PDZK1: variants seen among roughly 807,000 people sequenced by gnomAD.
The protein encoded by PDZK1 is PDZ domain containing 1, also known as Na(+)/H(+) exchange regulatory cofactor NHE-RF3.
A neutral mutation model predicts 38.1 loss-of-function variants in PDZK1; 23 were observed. The ratio of observed to expected loss-of-function variants is 0.60; its 90% CI spans 0.43 to 0.85. PDZK1 has a LOEUF of 0.85. Among genes scored for constraint, PDZK1 ranks in the 40% least tolerant of loss-of-function variants. The pLI is 0.00. For synonymous variants in PDZK1, 98 were observed against 186.2 expected (o/e 0.53, Z 3.86); for missense variants, 297 against 504.3 (o/e 0.59, Z 3.94).
intron 1 of PDZK1, chr1:145,691,866 G>C (rs1011528539): frequency 6.6e-6 from 1 of 152,120 alleles, no homozygotes; most frequent in South Asian, 2.1e-4. Context: ...CTGAGCTCGG[G>C]GGGGAAAAAT....
At chr1:145,701,220 A>C (rs1655942443) in intron 1 of PDZK1, among the ~76,000 whole-genome samples, 1 of 150,850 alleles carries the variant, frequency 6.6e-6, no homozygotes, top group Non-Finnish European at 1.5e-5. Flanking sequence ...AAAAACAAAC[A>C]CTTAGCAGGA....
At position 145,697,763 on chromosome 1, in the gene PDZK1, A is replaced by ATTT. The variant is rs10564713; in HGVS notation, c.-3+9551_-3+9553dup. Among the ~76,000 whole-genome samples, 40 of 44,978 alleles carry ATTT rather than the reference A, an allele frequency of 8.9e-4. 5 individuals carry two copies. The highest frequency in any genetic ancestry group is 4.6e-3 in the East Asian group (7 of 1,518). The allele number at this position is 44,978 out of a possible 152,430, so 29.5% of individuals were successfully genotyped here. On this transcript the variant is annotated intron_variant, in intron 1 of 8. Coordinates refer to ENST00000417171, the MANE Select transcript of PDZK1 (RefSeq NM_001201325.2). ...AGGCACCCGCCACCATGCCCAGCTA[A>ATTT]TTTTTTTTTTTTTTTTTTTTTTTTT...
At chr1:145,689,476 C>T (rs899079359) in intron 1 of PDZK1, among the ~76,000 whole-genome samples, 8 of 152,140 alleles carry the variant, frequency 5.3e-5, no homozygotes, top group African/African-American at 7.2e-5. Flanking sequence ...AGTGTAAAAC[C>T]GACAGCTAGG....
At chr1:145,677,869 T>G (rs774240767) in intron 6 of PDZK1, among the ~76,000 whole-genome samples, 1 of 130,764 alleles carries the variant, frequency 7.6e-6, no homozygotes, top group Non-Finnish European at 1.5e-5. Flanking sequence ...GCCCCCCAGG[T>G]TATCTGTTAA....
rs782148230 is a variant in PDZK1, at chr1:145,682,556, T to A, written c.541A>T (p.Ile181Phe). 4 of 1,610,678 alleles carry A rather than the reference T, an allele frequency of 2.5e-6. No homozygotes were observed. The highest frequency in any genetic ancestry group is 8.5e-7 in the Non-Finnish European group (1 of 1,179,220). Residue 181 changes from isoleucine to phenylalanine, a missense_variant, in exon 4 of 9, where the codon ATT (isoleucine) becomes TTT (phenylalanine). Ile to Phe is a conservative substitution (Grantham distance 21, BLOSUM62 0). Transcript: ENST00000417171. ...TCTACATTCTCTCCATTCACTTCAA[T>A]CAAGTGATCATCAGCCAGAACTCCA... The part of the protein sequence containing the change: ...RAGVLADDHL[I>F]EVNGENVEDA...
At chr1:145,677,049 G>A (rs587751135) in intron 6 of PDZK1, among the ~76,000 whole-genome samples, 1 of 152,264 alleles carries the variant, frequency 6.6e-6, no homozygotes, top group Admixed American at 6.5e-5. Flanking sequence ...GAGAGAGGTG[G>A]TAACTATATT....
chr1:145,673,777 T>C lies in PDZK1; in HGVS notation c.1095A>G (p.Pro365=), dbSNP rs1407117060. The C allele has an allele frequency of 1.2e-6, 2 of 1,611,756 alleles. No homozygotes were observed. Among genetic ancestry groups the C allele is most frequent in the East Asian group, 4.5e-5 (2 of 44,872 alleles). ...GATCTACTTCCTCTGTAGTATCTGG[T>C]GGACTTGAGACTTCCAGAGAAGTGG... The part of the protein sequence containing the change: ...PTPTSLEVSS[P]PDTTEEVDHK... Residue 365 remains proline (P), a synonymous_variant, in exon 7 of 9, where the codon CCA becomes CCG. Transcript: ENST00000417171.
chr1:145,674,900 A>G (rs1237296388), intron 6 of PDZK1, among the ~76,000 whole-genome samples: 1 of 152,200 alleles, frequency 6.6e-6, no homozygotes, highest in African/African-American at 2.4e-5. Flanking sequence ...ATTCAAAGCT[A>G]CTAGAAGAGA....
chr1:145,690,331 G>A (rs1203730756), intron 1 of PDZK1, among the ~76,000 whole-genome samples: 1 of 151,894 alleles, frequency 6.6e-6, no homozygotes, highest in African/African-American at 2.4e-5. Flanking sequence ...ATTTCATAGG[G>A]CCAAAAGACC....
chr1:145,674,935 T>G (rs1156499382), intron 6 of PDZK1, among the ~76,000 whole-genome samples: 1 of 152,188 alleles, frequency 6.6e-6, no homozygotes, highest in Non-Finnish European at 1.5e-5. Context: ...CAGGAATAAT[T>G]GGTGAGAGGG....
chr1:145,700,635 G>C (rs1243312931), intron 1 of PDZK1, among the ~76,000 whole-genome samples: 1 of 152,078 alleles, frequency 6.6e-6, no homozygotes, highest in African/African-American at 2.4e-5. Context: ...AGACAGAAGG[G>C]GGCTGTCACC....
intron 1 of PDZK1, among the ~76,000 whole-genome samples, chr1:145,695,744 T>C (rs1424522612): frequency 6.6e-6 from 1 of 152,054 alleles, no homozygotes; most frequent in Non-Finnish European, 1.5e-5. Flanking sequence ...TAAGAGGCTG[T>C]TGTCAAAATC....
At chr1:145,671,598 T>G (rs1653050865) in intron 8 of PDZK1, 109 bp from the exon 9 acceptor site, 3 of 603,762 alleles carry the variant, frequency 5.0e-6, no homozygotes, top group Admixed American at 3.0e-5. Context: ...TCACTAGAAT[T>G]TCTTTCTTTC....
At chr1:145,688,124 C>T (rs1317885145) in intron 1 of PDZK1, 101 bp from the exon 2 acceptor site, 2 of 981,226 alleles carry the variant, frequency 2.0e-6, no homozygotes, top group Non-Finnish European at 3.2e-6. Flanking sequence ...TTCCAATCAC[C>T]AAATCTAGAC....
intron 1 of PDZK1, among the ~76,000 whole-genome samples, chr1:145,700,838 G>A (rs1348911262): frequency 2.0e-5 from 3 of 152,006 alleles, no homozygotes; most frequent in East Asian, 3.8e-4. Flanking sequence ...ATCACACCAC[G>A]AAGACAACAG....
At chr1:145,674,225 A>C in intron 6 of PDZK1, 1 of 985,210 alleles carries the variant, frequency 1.0e-6, no homozygotes, top group Non-Finnish European at 1.2e-6. Flanking sequence ...AGCTATACAT[A>C]ATCTCCCTGT....
chr1:145,688,049 A>C (rs1654948815), intron 1 of PDZK1, 26 bp from the exon 2 acceptor site: 2 of 1,572,030 alleles, frequency 1.3e-6, no homozygotes, highest in Non-Finnish European at 1.8e-6. Flanking sequence ...TAAATTAATA[A>C]AACCATGGAA....
At chr1:145,699,540 T>C (rs1364632235) in intron 1 of PDZK1, among the ~76,000 whole-genome samples, 8 of 152,274 alleles carry the variant, frequency 5.3e-5, no homozygotes, top group African/African-American at 1.9e-4. Flanking sequence ...AGTTTGGGAT[T>C]GGGAAGATGA....
intron 6 of PDZK1, among the ~76,000 whole-genome samples, chr1:145,674,839 C>A (rs1248522862): frequency 6.6e-6 from 1 of 152,148 alleles, no homozygotes; most frequent in Non-Finnish European, 1.5e-5. Flanking sequence ...CCTACTAGAT[C>A]TGTCTCTCTG....
Sources: gnomAD v4.1 joint callset for allele counts (sites outside exome capture counted in the v4.1 genomes callset) on GRCh38, gnomAD v4.1.1 for gene constraint, MANE v1.5 for transcripts, NCBI Gene and HGNC (gene_info 2026-07-23, HGNC 2026-07-21) for gene names.